The following IL3 variants were observed in gnomAD, a reference collection of about 807,000 sequenced individuals.
IL3 encodes interleukin 3.
Under a neutral mutation model 15.4 loss-of-function variants are expected in IL3, and 15 were observed. The ratio of observed to expected loss-of-function variants is 0.97; its 90% confidence interval spans 0.65 to 1.50. The LOEUF is 1.50. Among genes scored for constraint, IL3 ranks in the 40% most tolerant of loss-of-function variants. The probability of loss-of-function intolerance (pLI) is 0.00; values close to 1 mark genes in which losing one functional copy is unlikely to be tolerated. For synonymous variants in IL3, 74 were observed against 79.3 expected (o/e 0.93, Z 0.36); for missense variants, 162 against 192.2 (o/e 0.84, Z 0.93).
chr5:132,061,669 C>T (rs572630506), intron 2 of IL3, among the ~76,000 whole-genome samples: 1 of 152,242 alleles, frequency 6.6e-6, no homozygotes, highest in South Asian at 2.1e-4. Flanking sequence ...GCTACAAATA[C>T]TTCCCTTGGA....
Position 132,062,649 on chromosome 5 carries a change from C to T in IL3, c.337-20C>T, listed in dbSNP as rs1239479839. 3 of 1,613,974 alleles carry T rather than the reference C, an allele frequency of 1.9e-6. No individual in the cohort carries two copies. The highest frequency in any genetic ancestry group is 1.7e-6 in the Non-Finnish European group (2 of 1,179,918). ...TACAGCCTGGACTCACCTAATGCCA[C>T]CTTCTTGGTTTCTTTATAGCGACAT... On this transcript the variant is annotated intron_variant, in intron 4 of 4. Coordinates refer to ENST00000296870, the MANE Select transcript of IL3 (RefSeq NM_000588.4).
Position 132,060,961 on chromosome 5 carries a change from C to T in IL3, c.163-6C>T, listed in dbSNP as rs200111768. The T allele has an allele frequency of 3.7e-6, 6 of 1,614,184 alleles. No homozygotes were observed. The highest frequency in any genetic ancestry group is 5.1e-6 in the Non-Finnish European group (6 of 1,179,986). ...CATGGGCCTTTCTCTCCCTTCACCC[C>T]CACAGGACTTCAACAACCTCAATGG... is the stretch of plus-strand genomic sequence containing the variant. On this transcript the variant is annotated splice_polypyrimidine_tract_variant and splice_region_variant and intron_variant, in intron 1 of 4. Coordinates refer to ENST00000296870, the MANE Select transcript of IL3 (RefSeq NM_000588.4).
rs1756469810 is a variant in IL3 at position 132,061,086 on chromosome 5, T to C, written c.204+78T>C. ...CCATGTCATTCCATCTTACCTAGCC[T>C]TGCTTTCTTCATCTGTAAAATAGGG... On this transcript the variant is annotated intron_variant, in intron 2 of 4. Coordinates refer to ENST00000296870, the MANE Select transcript of IL3 (RefSeq NM_000588.4). 5.6e-5 allele frequency: 75 copies of C among 1,347,768 alleles called. 2 individuals carry two copies. In the South Asian group the frequency reaches 8.9e-4, roughly 16 times the overall value. 83.5% of individuals were successfully genotyped at this position (1,347,768 alleles called of 1,614,324 possible).
Position 132,062,534 on chromosome 5 carries a change from G to A in IL3, c.303G>A (p.Leu101=). 6.2e-7 allele frequency: 1 copy of A among 1,614,176 alleles called. No individual in the cohort carries two copies. Among genetic ancestry groups the A allele is most frequent in the Non-Finnish European group, 8.5e-7 (1 of 1,180,030 alleles). The stretch of plus-strand genomic sequence containing the variant: ...TTGGTCTCTTTCCACAGAATCTCCT[G>A]CCATGTCTGCCCCTGGCCACGGCCG... ...SAIESILKNL[L]PCLPLATAAP... is the part of the protein sequence containing the mutation. The change falls in exon 4 of 5, where the codon CTG becomes CTA. Residue 101 remains leucine, a synonymous_variant. Coordinates refer to ENST00000296870, the MANE Select transcript of IL3 (RefSeq NM_000588.4).
At chr5:132,062,271 C>A (rs924204893) in intron 2 of IL3, 41 bp from the exon 3 acceptor site, 1 of 1,486,870 alleles carries the variant, frequency 6.7e-7, no homozygotes, top group East Asian at 2.3e-5. Flanking sequence ...GAGGGATACT[C>A]TGTAACCTTT....
At chr5:132,061,067 C>T in intron 2 of IL3, 59 bp downstream of exon 2, 1 of 1,495,270 alleles carries the variant, frequency 6.7e-7, no homozygotes, top group Non-Finnish European at 9.3e-7. Context: ...TCAGCCATGT[C>T]ATTCCATCTT....
Position 132,062,869 on chromosome 5 carries a change from CT to C in IL3, c.*79del. Reference sequence around the variant, plus strand: ...TCAAAAACAGCAGAACTTCTGAAACCTCTGGGTCATCTCTCACACATTCCAG... The same window carrying C: ...TCAAAAACAGCAGAACTTCTGAAACCCTGGGTCATCTCTCACACATTCCAG... On this transcript the variant is annotated 3_prime_UTR_variant, in exon 5 of 5. Transcript: ENST00000296870. The C allele has an allele frequency of 6.5e-7, 1 of 1,535,518 alleles. No homozygotes were observed. Among genetic ancestry groups the C allele is most frequent in the Non-Finnish European group, 8.8e-7 (1 of 1,141,982 alleles).
intron 2 of IL3, 99 bp from the exon 3 acceptor site, chr5:132,062,213 C>T: frequency 1.0e-6 from 1 of 986,934 alleles, no homozygotes; most frequent in South Asian, 1.4e-5. Context: ...AGGATGTCCC[C>T]AACAGTGGGC....
Position 132,062,281 on chromosome 5 carries a change from T to C in IL3, c.205-31T>C, listed in dbSNP as rs577579410. On this transcript the variant is annotated intron_variant, in intron 2 of 4. Coordinates refer to ENST00000296870, the MANE Select transcript of IL3 (RefSeq NM_000588.4). Reference sequence around the variant, plus strand: ...TGTGGGAGGGATACTCTGTAACCTTTCCCCCTTAAGTGTATTCTCTGCCCC... The same window carrying C: ...TGTGGGAGGGATACTCTGTAACCTTCCCCCCTTAAGTGTATTCTCTGCCCC... 315 of 1,537,602 alleles carry C rather than the reference T, an allele frequency of 2.0e-4. 3 individuals carry two copies. In the South Asian group the frequency reaches 2.6e-3, roughly 13 times the overall value.
intron 3 of IL3, 46 bp from the exon 4 acceptor site, chr5:132,062,480 C>T (rs1490600499): frequency 6.2e-7 from 1 of 1,614,004 alleles, no homozygotes; most frequent in African/African-American, 1.3e-5. Context: ...GGCCCACTCC[C>T]TTTCCAAGGG....
At position 132,062,300 on chromosome 5, in the gene IL3, C is replaced by T; in HGVS notation, c.205-12C>T. On this transcript the variant is annotated splice_polypyrimidine_tract_variant and intron_variant, in intron 2 of 4. Coordinates refer to ENST00000296870, the MANE Select transcript of IL3 (RefSeq NM_000588.4). ...AACCTTTCCCCCTTAAGTGTATTCT[C>T]TGCCCCGTTAGGAAAATAACCTTCG... The T allele has an allele frequency of 6.2e-7, 1 of 1,604,546 alleles. No homozygotes were observed. Among genetic ancestry groups the T allele is most frequent in the Non-Finnish European group, 8.5e-7 (1 of 1,171,178 alleles).
rs1263811220 is a variant in IL3, at chr5:132,060,704, A to C, written c.-3A>C. ...AGACAGAGTGCCTCCTGCCGATCCAAACATGAGCCGCCTGCCCGTCCTGCT... is the reference window on the plus strand; with the variant it reads ...AGACAGAGTGCCTCCTGCCGATCCACACATGAGCCGCCTGCCCGTCCTGCT... On this transcript the variant is annotated 5_prime_UTR_variant, in exon 1 of 5. Coordinates refer to ENST00000296870, the MANE Select transcript of IL3 (RefSeq NM_000588.4). The C allele has an allele frequency of 6.2e-7, 1 of 1,612,604 alleles. No individual in the cohort carries two copies. Among genetic ancestry groups the C allele is most frequent in the Non-Finnish European group, 8.5e-7 (1 of 1,180,014 alleles).
intron 2 of IL3, 129 bp from the exon 3 acceptor site, chr5:132,062,183 C>A: frequency 3.9e-6 from 3 of 772,516 alleles, no homozygotes; most frequent in South Asian, 1.6e-5. Flanking sequence ...GAGGCAAGAA[C>A]GGGACTAGGA....
At chr5:132,061,768 A>AT (rs11314637) in intron 2 of IL3, among the ~76,000 whole-genome samples, 1,643 of 118,418 alleles carry the variant, frequency 0.014, 25 homozygotes, top group Non-Finnish European at 0.014. Context: ...CTCCCCACCC[A>AT]TTTTTTTTTT....
chr5:132,060,886 G>C lies in IL3; in HGVS notation c.162+18G>C. 1 of 1,612,708 alleles carries C rather than the reference G, an allele frequency of 6.2e-7. No individual in the cohort carries two copies. The highest frequency in any genetic ancestry group is 1.3e-5 in the African/African-American group (1 of 75,016). ...CTTTGCTGGTGAGTAGCTTGGATAA[G>C]ACTGGCCTGCAGCAGTGAGGGGTGG... On this transcript the variant is annotated intron_variant, in intron 1 of 4. Transcript: ENST00000296870.
Position 132,062,879 on chromosome 5 carries a change from T to C in IL3, c.*88T>C. The C allele has an allele frequency of 1.3e-6, 2 of 1,503,196 alleles. No individual in the cohort carries two copies. The highest frequency in any genetic ancestry group is 1.8e-6 in the Non-Finnish European group (2 of 1,120,406). 93.1% of individuals were successfully genotyped at this position (1,503,196 alleles called of 1,614,324 possible). A position where few individuals can be genotyped will look rare whatever the true frequency, so the allele number is the denominator to read the frequency against. ...CAGAACTTCTGAAACCTCTGGGTCA[T>C]CTCTCACACATTCCAGGACCAGAAG... On this transcript the variant is annotated 3_prime_UTR_variant, in exon 5 of 5. Transcript: ENST00000296870.
chr5:132,063,124 G>C lies in IL3; in HGVS notation c.*333G>C. On this transcript the variant is annotated 3_prime_UTR_variant, in exon 5 of 5. Transcript: ENST00000296870. ...GCTGCTTCTGCAAAAAACTCAGAGT[G>C]GGGTGGGGAGCATGTTCATTTGTAC... 1 of 234,062 alleles carries C rather than the reference G, an allele frequency of 4.3e-6. No homozygotes were observed. The highest frequency in any genetic ancestry group is 2.3e-5 in the African/African-American group (1 of 44,044). 14.5% of individuals were successfully genotyped at this position (234,062 alleles called of 1,614,324 possible).
At chr5:132,062,178 A>C in intron 2 of IL3, 134 bp from the exon 3 acceptor site, 1 of 756,150 alleles carries the variant, frequency 1.3e-6, no homozygotes, top group Middle Eastern at 3.8e-4. Flanking sequence ...CACCTGAGGC[A>C]AGAACGGGAC....
chr5:132,062,307 G>C lies in IL3; in HGVS notation c.205-5G>C, dbSNP rs377735929. ...CCCCCTTAAGTGTATTCTCTGCCCC[G>C]TTAGGAAAATAACCTTCGAAGGCCA... is the stretch of plus-strand genomic sequence containing the variant. On this transcript the variant is annotated splice_region_variant and splice_polypyrimidine_tract_variant and intron_variant, in intron 2 of 4. Transcript: ENST00000296870. 36 of 1,610,528 alleles carry C rather than the reference G, an allele frequency of 2.2e-5. No individual in the cohort carries two copies. The African/African-American group carries it at 4.1e-4, about 18-fold the overall frequency.
Sources: gnomAD v4.1 joint callset for allele counts (sites outside exome capture counted in the v4.1 genomes callset) on GRCh38, gnomAD v4.1.1 for gene constraint, MANE v1.5 for transcripts, NCBI Gene and HGNC (gene_info 2026-07-23, HGNC 2026-07-21) for gene names.